The following RNF20 variants were observed in gnomAD, a reference collection of about 807,000 sequenced individuals.
RNF20 encodes ring finger protein 20.
In RNF20, 84 loss-of-function variants were observed where a neutral mutation model predicts 126.2. The observed-to-expected ratio is 0.67, with a 90% CI of 0.56 to 0.80. The LOEUF (loss-of-function observed/expected upper bound fraction) is 0.80. Ranked by LOEUF, RNF20 falls within the 30% of genes least tolerant of loss-of-function variation. The probability of loss-of-function intolerance (pLI) is 0.00; values close to 1 mark genes in which losing one functional copy is unlikely to be tolerated. For missense variants in RNF20, 869 were observed against 1,188.2 expected, an observed-to-expected ratio of 0.73 and a Z score of 3.95; for synonymous variants, 400 against 414.3, an observed-to-expected ratio of 0.97 and a Z score of 0.42.
chr9:101,551,935 A>G, intron 11 of RNF20, 116 bp downstream of exon 11: 1 of 1,318,334 alleles, frequency 7.6e-7, no homozygotes, highest in South Asian at 1.5e-5. Context: ...TAAGTACCTT[A>G]AATCCTATAA....
At chr9:101,549,177 T>A (rs935254053) in intron 9 of RNF20, among the ~76,000 whole-genome samples, 1 of 152,136 alleles carries the variant, frequency 6.6e-6, no homozygotes, top group Non-Finnish European at 1.5e-5. Context: ...AGACCGGTAG[T>A]GGCCCCAAAT....
chr9:101,545,032 T>G, intron 6 of RNF20, 147 bp downstream of exon 6: 2 of 645,120 alleles, frequency 3.1e-6, no homozygotes, highest in South Asian at 3.6e-5. Flanking sequence ...ACTCCAAACC[T>G]CCAAATAATG....
At chr9:101,549,294 CA>C (rs1489158112) in intron 9 of RNF20, among the ~76,000 whole-genome samples, 2 of 152,182 alleles carry the variant, frequency 1.3e-5, no homozygotes, top group African/African-American at 4.8e-5. Context: ...GTCCACTGGA[CA>C]GGGGGCCCTT....
rs1827457934 is a variant in RNF20 at position 101,552,166 on chromosome 9, C to T, written c.1434C>T (p.His478=). Residue 478 remains histidine (H), a synonymous_variant, in exon 12 of 20, where the codon CAC becomes CAT. Coordinates refer to ENST00000389120, the MANE Select transcript of RNF20 (RefSeq NM_019592.7). The stretch of plus-strand genomic sequence containing the variant: ...GCCCTATAAACAGGGAGATGCGCCA[C>T]CTCATCAGTAGCCTCCAGAATCACA... ...QAGPINREMR[H]LISSLQNHNH... The T allele has an allele frequency of 1.2e-6, 2 of 1,614,040 alleles. No individual in the cohort carries two copies. The highest frequency in any genetic ancestry group is 1.1e-5 in the South Asian group (1 of 91,080).
At chr9:101,554,866 A>G (rs1827508948) in intron 15 of RNF20, 23 bp downstream of exon 15, 1 of 1,384,672 alleles carries the variant, frequency 7.2e-7, no homozygotes, top group Non-Finnish European at 9.5e-7. Context: ...TCTTTATTTA[A>G]TTGACTTTTT....
chr9:101,551,264 G>A (rs1461326410), intron 10 of RNF20, among the ~76,000 whole-genome samples: 1 of 152,144 alleles, frequency 6.6e-6, no homozygotes, highest in Non-Finnish European at 1.5e-5. Context: ...GTGGGTAGAA[G>A]CTGCAAAATT....
At chr9:101,544,923 G>A in intron 6 of RNF20, 38 bp downstream of exon 6, 1 of 1,261,282 alleles carries the variant, frequency 7.9e-7, no homozygotes. Context: ...GTGTCTAGTG[G>A]GCTGTGGCAG....
chr9:101,537,357 A>C (rs1827200223), intron 2 of RNF20, among the ~76,000 whole-genome samples: 1 of 152,164 alleles, frequency 6.6e-6, no homozygotes, highest in South Asian at 2.1e-4. Flanking sequence ...TTACTTACTG[A>C]GCTAGAGAAG....
In RNF20 at chr9:101,550,594, G is replaced by C; in HGVS notation, c.1093-12G>C. Reference sequence around the variant, plus strand: ...AGATTCTGCTTCTGACTTTGCTTTGGGCCCTCCTAAGGTGGAATTGCGGAG... The same window carrying C: ...AGATTCTGCTTCTGACTTTGCTTTGCGCCCTCCTAAGGTGGAATTGCGGAG... On this transcript the variant is annotated splice_polypyrimidine_tract_variant and intron_variant, in intron 9 of 19. Transcript: ENST00000389120. 2 of 1,607,976 alleles carry C rather than the reference G, an allele frequency of 1.2e-6. No homozygotes were observed. Among genetic ancestry groups the C allele is most frequent in the Non-Finnish European group, 1.7e-6 (2 of 1,176,292 alleles).
intron 9 of RNF20, among the ~76,000 whole-genome samples, chr9:101,548,678 A>G (rs1160282429): frequency 1.8e-4 from 28 of 152,316 alleles, no homozygotes; most frequent in Admixed American, 1.8e-3. Flanking sequence ...CTTTACTTAC[A>G]TATTTACTTA....
chr9:101,540,588 A>G lies in RNF20; in HGVS notation c.396A>G (p.Pro132=). ...GAAAAGCCCTTGTTGTGCCTGAACC[A>G]GAACCAGACTCTGATAGCAATCAGG... ...TERKALVVPE[P]EPDSDSNQER... Residue 132 remains proline, a synonymous_variant, in exon 4 of 20, where the codon CCA becomes CCG. Transcript: ENST00000389120. 1.2e-6 allele frequency: 2 copies of G among 1,614,170 alleles called. No homozygotes were observed. Among genetic ancestry groups the G allele is most frequent in the Non-Finnish European group, 1.7e-6 (2 of 1,180,014 alleles).
intron 9 of RNF20, among the ~76,000 whole-genome samples, chr9:101,549,106 A>G (rs2118704879): frequency 6.6e-6 from 1 of 152,302 alleles, no homozygotes; most frequent in Admixed American, 6.5e-5. Context: ...ATAAAGACAC[A>G]AGACAAAGAG....
At chr9:101,559,887 TTTTA>T (rs1013483287) in intron 16 of RNF20, among the ~76,000 whole-genome samples, 5 of 152,170 alleles carry the variant, frequency 3.3e-5, no homozygotes, top group Non-Finnish European at 5.9e-5. Flanking sequence ...TTTGGATGCC[TTTTA>T]TTTCTTTCTC....
intron 9 of RNF20, among the ~76,000 whole-genome samples, chr9:101,548,465 G>A (rs1271939025): frequency 6.6e-6 from 1 of 152,112 alleles, no homozygotes; most frequent in Non-Finnish European, 1.5e-5. Flanking sequence ...GATCTTAAAT[G>A]TTCTTGCCAC....
chr9:101,555,110 T>C (rs140523516), intron 15 of RNF20, among the ~76,000 whole-genome samples: 1 of 152,236 alleles, frequency 6.6e-6, no homozygotes, highest in Non-Finnish European at 1.5e-5. Context: ...GTTCAGACAG[T>C]TATTGAAGAT....
At chr9:101,542,825 G>A (rs931680863) in intron 5 of RNF20, among the ~76,000 whole-genome samples, 16 of 152,304 alleles carry the variant, frequency 1.1e-4, no homozygotes, top group African/African-American at 3.8e-4. Context: ...TCGGGTTTAA[G>A]TTAAAAAGTA....
rs761046832 is a variant in RNF20, at chr9:101,544,770, A to C, written c.632A>C (p.Asn211Thr). Reference protein sequence around the residue: ...LLSRKLNSGDNLIVEEAVQEL... With the variant: ...LLSRKLNSGDTLIVEEAVQEL... ...AAGTATAGTTCTTCTTCCCCAGATA[A>C]TCTGATAGTGGAGGAAGCAGTGCAG... The change falls in exon 6 of 20, where the codon AAT (asparagine) becomes ACT (threonine). Residue 211 changes from asparagine (N) to threonine (T), a missense_variant. Around this residue, in one of 8 missense-constraint regions of RNF20, gnomAD observed 103 missense variants for 94.3 expected, o/e 1.09. Transcript: ENST00000389120. The C allele has an allele frequency of 2.5e-6, 4 of 1,593,778 alleles. No homozygotes were observed. Among genetic ancestry groups the C allele is most frequent in the Non-Finnish European group, 3.4e-6 (4 of 1,161,632 alleles).
intron 1 of RNF20, among the ~76,000 whole-genome samples, chr9:101,535,032 C>T (rs1020728331): frequency 2.0e-5 from 3 of 151,710 alleles, no homozygotes; most frequent in African/African-American, 4.8e-5. Context: ...CTTAGCCTCC[C>T]GAGTAGCTGG....
chr9:101,558,747 G>C (rs928807278), intron 16 of RNF20, among the ~76,000 whole-genome samples: 7 of 152,022 alleles, frequency 4.6e-5, no homozygotes, highest in Admixed American at 2.6e-4. Flanking sequence ...CTTTTTGGTG[G>C]GATTGTTTGT....
Sources: gnomAD v4.1 joint callset for allele counts (sites outside exome capture counted in the v4.1 genomes callset) on GRCh38, gnomAD v4.1.1 for gene constraint, gnomAD v4.1.1 regional missense constraint, MANE v1.5 for transcripts, NCBI Gene and HGNC (gene_info 2026-07-23, HGNC 2026-07-21) for gene names.